ZNF429: variants seen among roughly 807,000 people sequenced by gnomAD.
ZNF429 encodes the protein zinc finger protein 429.
Under a neutral mutation model 56.8 loss-of-function variants are expected in ZNF429, and 53 were observed. That is an observed-to-expected ratio of 0.93 (90% confidence interval 0.75 to 1.17). The LOEUF (loss-of-function observed/expected upper bound fraction) is 1.17, where lower values mean the gene tolerates loss of function less well. Among genes scored for constraint, ZNF429 ranks in the 50% most tolerant of loss-of-function variants. The probability of loss-of-function intolerance (pLI) is 0.00; values close to 1 mark genes in which losing one functional copy is unlikely to be tolerated. For synonymous variants in ZNF429, 278 were observed against 264.7 expected (o/e 1.05, Z -0.49); for missense variants, 849 against 788.4 (o/e 1.08, Z -0.92).
At position 21,539,676 on chromosome 19, in the gene ZNF429, C is replaced by T. The variant is rs1225510774; in HGVS notation, c.*1598C>T. ...AAACTCTTCATCTCAAGTGATCTGC[C>T]CACCTTGGCCTCCCAGAGTGCTGGG... On this transcript the variant is annotated 3_prime_UTR_variant, in exon 4 of 4. Coordinates refer to ENST00000358491, the MANE Select transcript of ZNF429 (RefSeq NM_001001415.4). 1.3e-5 allele frequency among the ~76,000 whole-genome samples: 2 copies of T among 151,712 alleles called. No individual in the cohort carries two copies. Among genetic ancestry groups the T allele is most frequent in the Admixed American group, 6.6e-5 (1 of 15,220 alleles).
intron 1 of ZNF429, among the ~76,000 whole-genome samples, chr19:21,517,131 T>C (rs998940691): frequency 2.0e-5 from 3 of 150,484 alleles, no homozygotes; most frequent in Non-Finnish European, 4.4e-5. Context: ...CTGGTTTGTT[T>C]AGGGTTCTAA....
At chr19:21,515,056 T>C (rs2032673741) in intron 1 of ZNF429, among the ~76,000 whole-genome samples, 1 of 152,098 alleles carries the variant, frequency 6.6e-6, no homozygotes, top group African/African-American at 2.4e-5. Context: ...TTCTCCTGCC[T>C]CAGCCTCCCA....
In ZNF429 at chr19:21,536,492, T is replaced by G; in HGVS notation, c.439T>G (p.Cys147Gly). 6 of 1,613,158 alleles carry G rather than the reference T, an allele frequency of 3.7e-6. No homozygotes were observed. Among genetic ancestry groups the G allele is most frequent in the Non-Finnish European group, 5.1e-6 (6 of 1,179,576 alleles). ...LTLTQSKMYH[C>G]DIYVKVFYAF... ...ACTTACCCAGAGCAAAATGTATCAC[T>G]GTGATATATATGTAAAAGTCTTTTA... The change falls in exon 4 of 4, where the codon TGT becomes GGT. Residue 147 changes from cysteine (C) to glycine (G), a missense_variant. Coordinates refer to ENST00000358491, the MANE Select transcript of ZNF429 (RefSeq NM_001001415.4).
intron 1 of ZNF429, among the ~76,000 whole-genome samples, chr19:21,524,766 C>A (rs1240303293): frequency 6.6e-6 from 1 of 152,118 alleles, no homozygotes; most frequent in Non-Finnish European, 1.5e-5. Context: ...ATGTCCAGAG[C>A]AGAACTGTGT....
chr19:21,512,127 A>G (rs972961040), intron 1 of ZNF429, among the ~76,000 whole-genome samples: 14 of 152,118 alleles, frequency 9.2e-5, no homozygotes, highest in Non-Finnish European at 2.9e-5. Context: ...TCTTGATTAT[A>G]TGCTAAACAA....
rs763134777 is a variant in ZNF429, at chr19:21,507,990, C to T, written c.3+2216C>T. 3.3e-4 allele frequency among the ~76,000 whole-genome samples: 50 copies of T among 152,250 alleles called. 1 individual carries two copies. Among genetic ancestry groups the T allele is most frequent in the Middle Eastern group, 6.8e-3 (2 of 294 alleles). Reference sequence around the variant, plus strand: ...TATCTCTGCCAGGCACGGTGGCTCACGCCTGTAATCCCAGCACTTTGGGAG... The same window carrying T: ...TATCTCTGCCAGGCACGGTGGCTCATGCCTGTAATCCCAGCACTTTGGGAG... On this transcript the variant is annotated intron_variant, in intron 1 of 3. Coordinates refer to ENST00000358491, the MANE Select transcript of ZNF429 (RefSeq NM_001001415.4).
chr19:21,526,745 A>G (rs764927101), intron 1 of ZNF429, among the ~76,000 whole-genome samples: 48 of 152,242 alleles, frequency 3.2e-4, no homozygotes, highest in Admixed American at 2.6e-3. Context: ...GTAAATAAAT[A>G]ATTTCTGACA....
rs1283304293 is a variant in ZNF429 at position 21,536,827 on chromosome 19, A to G, written c.774A>G (p.Lys258=). Residue 258 remains lysine (K), a synonymous_variant, in exon 4 of 4, where the codon AAA becomes AAG. Coordinates refer to ENST00000358491, the MANE Select transcript of ZNF429 (RefSeq NM_001001415.4). The part of the protein sequence containing the change: ...KRIHTGEKPY[K]CKECGKAFSR... ...TTCATACTGGAGAGAAACCCTACAA[A>G]TGTAAAGAATGTGGCAAAGCCTTTA... 1 of 1,613,744 alleles carries G rather than the reference A, an allele frequency of 6.2e-7. No individual in the cohort carries two copies. Among genetic ancestry groups the G allele is most frequent in the Non-Finnish European group, 8.5e-7 (1 of 1,179,892 alleles).
chr19:21,532,841 G>A, intron 3 of ZNF429, among the ~76,000 whole-genome samples: 1 of 151,976 alleles, frequency 6.6e-6, no homozygotes, highest in African/African-American at 2.4e-5. Flanking sequence ...TGGGACTACA[G>A]GTGTGTGCCA....
intron 1 of ZNF429, chr19:21,505,984 G>T: frequency 2.1e-6 from 1 of 481,028 alleles, no homozygotes; most frequent in South Asian, 2.0e-5. Context: ...TCCCTCCGCA[G>T]TGACTGTGCC....
chr19:21,537,265 A>C lies in ZNF429; in HGVS notation c.1212A>C (p.Arg404Ser), dbSNP rs764579890. 1.2e-6 allele frequency: 2 copies of C among 1,614,048 alleles called. No homozygotes were observed. Among genetic ancestry groups the C allele is most frequent in the Non-Finnish European group, 1.7e-6 (2 of 1,179,994 alleles). Residue 404 changes from arginine (R) to serine (S), a missense_variant, in exon 4 of 4, where the codon AGA (arginine) becomes AGC (serine). By Grantham distance (110) the Arg-to-Ser change is moderately radical. Transcript: ENST00000358491. ...CCTACAAATTTGAAAAATGTGGCAG[A>C]GTTTTTACCTGTTCCTCAACACTTA... is the stretch of plus-strand genomic sequence containing the variant. ...EEPYKFEKCGRVFTCSSTLTQ... is the reference protein window; with the variant it reads ...EEPYKFEKCGSVFTCSSTLTQ...
Position 21,536,222 on chromosome 19 carries a change from A to G in ZNF429, c.227-58A>G. ...TATAACTTTAGAGGTTTTGTTTGTG[A>G]CGTATATATATCTGAGTCTAGTAAG... On this transcript the variant is annotated intron_variant, in intron 3 of 3. Coordinates refer to ENST00000358491, the MANE Select transcript of ZNF429 (RefSeq NM_001001415.4). 1.2e-5 allele frequency: 17 copies of G among 1,476,386 alleles called. No individual in the cohort carries two copies. The African/African-American group carries it at 2.0e-4, about 17-fold the overall frequency. The allele number at this position is 1,476,386 out of a possible 1,614,324, so 91.5% of individuals were successfully genotyped here.
chr19:21,536,855 A>G lies in ZNF429; in HGVS notation c.802A>G (p.Arg268Gly), dbSNP rs749728561. The change falls in exon 4 of 4, where the codon AGG (arginine) becomes GGG (glycine). Residue 268 changes from arginine (R) to glycine (G), a missense_variant. Transcript: ENST00000358491. Reference sequence around the variant, plus strand: ...TAAAGAATGTGGCAAAGCCTTTAGCAGGTACTCAACCCTTACTACCCATAA... The same window carrying G: ...TAAAGAATGTGGCAAAGCCTTTAGCGGGTACTCAACCCTTACTACCCATAA... ...KCKECGKAFS[R>G]YSTLTTHKRI... is the part of the protein sequence containing the mutation. 14 of 1,609,470 alleles carry G rather than the reference A, an allele frequency of 8.7e-6. No individual in the cohort carries two copies. The highest frequency in any genetic ancestry group is 5.1e-5 in the Admixed American group (3 of 59,386).
At chr19:21,533,447 T>G in intron 3 of ZNF429, among the ~76,000 whole-genome samples, 1 of 152,174 alleles carries the variant, frequency 6.6e-6, no homozygotes, top group African/African-American at 2.4e-5. Context: ...AATTTTTTAG[T>G]GCAGTTAAAT....
Position 21,532,705 on chromosome 19 carries a change from T to C in ZNF429, c.226+2021T>C. 7.9e-5 allele frequency among the ~76,000 whole-genome samples: 12 copies of C among 152,144 alleles called. No homozygotes were observed. The South Asian group carries it at 2.5e-3, about 32-fold the overall frequency. On this transcript the variant is annotated intron_variant, in intron 3 of 3. Transcript: ENST00000358491. ...ATGCCTCTATGTGAGAGGATTTTTT[T>C]TTTTTTTTTGGAGACGGTGGTCTCG...
intron 1 of ZNF429, among the ~76,000 whole-genome samples, chr19:21,524,532 A>G (rs2033097746): frequency 6.6e-6 from 1 of 152,132 alleles, no homozygotes; most frequent in Non-Finnish European, 1.5e-5. Flanking sequence ...CATCTCAAAA[A>G]AAAAAAAAAG....
At chr19:21,511,488 G>A (rs1288760142) in intron 1 of ZNF429, among the ~76,000 whole-genome samples, 1 of 152,012 alleles carries the variant, frequency 6.6e-6, no homozygotes. Flanking sequence ...GGGTGGCCAG[G>A]CAGAGATGCT....
At chr19:21,513,918 C>T (rs2145425357) in intron 1 of ZNF429, among the ~76,000 whole-genome samples, 2 of 152,302 alleles carry the variant, frequency 1.3e-5, no homozygotes, top group South Asian at 4.1e-4. Flanking sequence ...CCCTCAGGAA[C>T]TTCACCACAG....
chr19:21,534,281 A>G, intron 3 of ZNF429, among the ~76,000 whole-genome samples: 2,354 of 142,216 alleles, frequency 0.017, 129 homozygotes, highest in African/African-American at 0.058. Context: ...TTTTATTTTC[A>G]TATATTTTTG....
Sources: allele counts gnomAD v4.1 joint callset (sites outside exome capture counted in the v4.1 genomes callset), GRCh38; gene constraint gnomAD v4.1.1; transcripts MANE v1.5; gene names NCBI Gene and HGNC (gene_info 2026-07-23, HGNC 2026-07-21).